Variants in CDK12 observed in about 807,000 individuals in gnomAD.
CDK12 encodes the protein cyclin-dependent kinase 12.
Under a neutral mutation model 133.8 loss-of-function variants are expected in CDK12, and 17 were observed. The observed-to-expected ratio is 0.13, with a 90% CI of 0.09 to 0.19. The LOEUF is 0.19. Among genes scored for constraint, CDK12 ranks in the 10% least tolerant of loss-of-function variants. The pLI, the probability that CDK12 is intolerant of heterozygous loss-of-function variation, is 1.00. For synonymous variants in CDK12, 694 were observed against 683.6 expected (o/e 1.02, Z -0.24); for missense variants, 1,508 against 1,818.7 (o/e 0.83, Z 3.11).
At chr17:39,488,568 A>G (rs1340766804) in intron 2 of CDK12, among the ~76,000 whole-genome samples, 1 of 152,154 alleles carries the variant, frequency 6.6e-6, no homozygotes, top group Non-Finnish European at 1.5e-5. Context: ...AAAGCATTCT[A>G]AAATACTATT....
Position 39,511,634 on chromosome 17 carries a change from A to T in CDK12, c.2768+4A>T, listed in dbSNP as rs2146377446. 6.3e-7 allele frequency: 1 copy of T among 1,595,140 alleles called. No individual in the cohort carries two copies. Among genetic ancestry groups the T allele is most frequent in the East Asian group, 2.2e-5 (1 of 44,752 alleles). ...CCATAGATGTTTGGAGCTGTGGGTA[A>T]GGTTCTGTTAACTTTTTCTTTTGTC... On this transcript the variant is annotated splice_donor_region_variant and intron_variant, in intron 8 of 13. Transcript: ENST00000447079.
At chr17:39,483,772 G>A (rs2050909744) in intron 2 of CDK12, among the ~76,000 whole-genome samples, 3 of 150,656 alleles carry the variant, frequency 2.0e-5, no homozygotes, top group African/African-American at 2.4e-5. Flanking sequence ...CGCCTACCTT[G>A]GCCTCCCAAA....
At chr17:39,515,706 G>C (rs781431016) in intron 8 of CDK12, 25 bp from the exon 9 acceptor site, 9 of 1,511,848 alleles carry the variant, frequency 6.0e-6, no homozygotes. Context: ...TTTCTCTTCT[G>C]ACCTCTCAAT....
rs145144133 is a variant in CDK12, at chr17:39,517,313, T to C, written c.2847-127T>C. On this transcript the variant is annotated intron_variant, in intron 9 of 13. Transcript: ENST00000447079. ...GTAATGTCATATTTTCCTTTCTGCA[T>C]GCCCTGTAATGTAATAACCAAAGAT... 3.5e-4 allele frequency: 230 copies of C among 649,518 alleles called. 1 individual carries two copies. In the African/African-American group the frequency reaches 3.6e-3, roughly 10 times the overall value. 40.2% of individuals were successfully genotyped at this position (649,518 alleles called of 1,614,324 possible). A position where few individuals can be genotyped will look rare whatever the true frequency, so the allele number is the denominator to read the frequency against.
At chr17:39,470,242 T>A (rs183073427) in intron 1 of CDK12, among the ~76,000 whole-genome samples, 9 of 151,910 alleles carry the variant, frequency 5.9e-5, no homozygotes, top group African/African-American at 2.2e-4. Flanking sequence ...TGCCTCAGCC[T>A]CCTGAGTAGC....
intron 2 of CDK12, among the ~76,000 whole-genome samples, chr17:39,485,283 CAA>C: frequency 6.7e-6 from 1 of 150,370 alleles, no homozygotes. Flanking sequence ...TTGGAGAAAA[CAA>C]AAATATGAAA....
At chr17:39,522,193 G>A (rs1051571067) in intron 11 of CDK12, among the ~76,000 whole-genome samples, 4 of 150,112 alleles carry the variant, frequency 2.7e-5, no homozygotes, top group African/African-American at 9.8e-5. Flanking sequence ...CACCACAAGC[G>A]TTTCCTGCCT....
chr17:39,547,532 T>C (rs1346787851), upstream of CDK12, among the ~76,000 whole-genome samples: 13 of 152,220 alleles, frequency 8.5e-5, no homozygotes, highest in Non-Finnish European at 1.9e-4. Flanking sequence ...TAGTGTCTAT[T>C]TCCCAGGACC....
At chr17:39,483,287 C>G (rs1477152287) in intron 2 of CDK12, among the ~76,000 whole-genome samples, 1 of 150,014 alleles carries the variant, frequency 6.7e-6, no homozygotes, top group African/African-American at 2.5e-5. Context: ...TTTTAAGAGA[C>G]AAGTTTTCCC....
At chr17:39,479,028 G>T (rs1396267142) in intron 2 of CDK12, among the ~76,000 whole-genome samples, 1 of 151,888 alleles carries the variant, frequency 6.6e-6, no homozygotes, top group Non-Finnish European at 1.5e-5. Context: ...AAATCTAATG[G>T]CCGGGTGCGG....
At chr17:39,562,902 C>CTTTTTTT (rs59852699) in intron 3 of CDK12, among the ~76,000 whole-genome samples, 2 of 92,374 alleles carry the variant, frequency 2.2e-5, no homozygotes, top group Admixed American at 1.3e-4. Flanking sequence ...TTTTTCTTTT[C>CTTTTTTT]TTTTTTTTTT....
Position 39,531,124 on chromosome 17 carries a change from C to A in CDK12, c.4281C>A (p.Ser1427Arg), listed in dbSNP as rs2146846478. The A allele has an allele frequency of 6.4e-7, 1 of 1,568,606 alleles. No homozygotes were observed. Among genetic ancestry groups the A allele is most frequent in the Non-Finnish European group, 8.6e-7 (1 of 1,159,190 alleles). The change falls in exon 14 of 14, where the codon AGC (serine) becomes AGA (arginine). Residue 1427 changes from serine to arginine, a missense_variant. Coordinates refer to ENST00000447079, the MANE Select transcript of CDK12 (RefSeq NM_016507.4). ...GQPFLKAEGS[S>R]NSVVHAETKL... ...CATTCCTGAAGGCTGAGGGAAGCAG[C>A]AATTCTGTGGTACATGCAGAGACCA...
At chr17:39,483,242 A>G (rs1325050193) in intron 2 of CDK12, among the ~76,000 whole-genome samples, 5 of 151,780 alleles carry the variant, frequency 3.3e-5, no homozygotes, top group Non-Finnish European at 5.9e-5. Flanking sequence ...AAGTTTGTAA[A>G]TAGTGGTGAA....
chr17:39,524,754 A>T lies in CDK12; in HGVS notation c.3176A>T (p.Glu1059Val). 6.2e-7 allele frequency: 1 copy of T among 1,614,218 alleles called. No individual in the cohort carries two copies. The highest frequency in any genetic ancestry group is 8.5e-7 in the Non-Finnish European group (1 of 1,180,038). ...CGACAAAGTGGTGTTGTAGTCGAAG[A>T]GCCACCTCCATCCAAAACTTCTCGA... Reference protein sequence around the residue: ...RQRQSGVVVEEPPPSKTSRKE... With the variant: ...RQRQSGVVVEVPPPSKTSRKE... The change falls in exon 12 of 14, where the codon GAG becomes GTG. Residue 1059 changes from glutamate (E) to valine (V), a missense_variant. Transcript: ENST00000447079.
At chr17:39,476,680 A>G (rs2050214014) in intron 2 of CDK12, among the ~76,000 whole-genome samples, 1 of 133,704 alleles carries the variant, frequency 7.5e-6, no homozygotes, top group Non-Finnish European at 1.6e-5. Context: ...CACAAAGTGC[A>G]GAGATTACAG....
chr17:39,558,921 G>A (rs2056265243), intron 3 of CDK12, among the ~76,000 whole-genome samples: 2 of 152,230 alleles, frequency 1.3e-5, no homozygotes, highest in African/African-American at 4.8e-5. Flanking sequence ...TGGGATTACA[G>A]GTGTGAGCCA....
intron 6 of CDK12, among the ~76,000 whole-genome samples, chr17:39,505,332 C>G (rs985327101): frequency 3.0e-4 from 45 of 151,066 alleles, no homozygotes; most frequent in African/African-American, 1.0e-3. Flanking sequence ...CGAGACCATC[C>G]TGGCCAACAT....
In CDK12 at chr17:39,531,192, C is replaced by A. The variant is rs766222934; in HGVS notation, c.4349C>A (p.Ala1450Asp). 32 of 1,521,006 alleles carry A rather than the reference C, an allele frequency of 2.1e-5. No individual in the cohort carries two copies. The South Asian group carries it at 3.7e-4, about 18-fold the overall frequency. 94.2% of individuals were successfully genotyped at this position (1,521,006 alleles called of 1,614,324 possible). ...GAGCTGGGGCCAGGAACCACTGGGG[C>A]CAGCAGCTCAGGAGCAGGCCTTCAC... The part of the protein sequence containing the change: ...YGELGPGTTG[A>D]SSSGAGLHWG... Residue 1450 changes from alanine (A) to aspartate (D), a missense_variant, in exon 14 of 14, where the codon GCC (alanine) becomes GAC (aspartate). This residue lies in a region of CDK12 where 114 missense variants were observed against 101.2 expected (regional missense o/e 1.13). Transcript: ENST00000447079.
chr17:39,532,102 T>TTCTC lies in CDK12; in HGVS notation c.*824_*827dup, dbSNP rs71843922. The TTCTC allele has an allele frequency of 0.023, 4,941 of 217,886 alleles. 146 individuals are homozygous for TTCTC. The highest frequency in any genetic ancestry group is 0.073 in the African/African-American group (2,789 of 38,334). 13.5% of individuals were successfully genotyped at this position (217,886 alleles called of 1,614,324 possible). On this transcript the variant is annotated 3_prime_UTR_variant, in exon 14 of 14. Coordinates refer to ENST00000447079, the MANE Select transcript of CDK12 (RefSeq NM_016507.4). ...GCTGATGTGTGCTCTCTCTCTCTCT[T>TTCTC]TCTCTCTCTCTCTCTCTCTCTCTCT...
Sources: gnomAD v4.1 joint callset for allele counts (sites outside exome capture counted in the v4.1 genomes callset) on GRCh38, gnomAD v4.1.1 for gene constraint, gnomAD v4.1.1 regional missense constraint, MANE v1.5 for transcripts, NCBI Gene and HGNC (gene_info 2026-07-23, HGNC 2026-07-21) for gene names.